The following STK40 variants were observed in gnomAD, a reference collection of about 807,000 sequenced individuals.
STK40 encodes the protein serine/threonine-protein kinase 40.
A neutral mutation model predicts 47.9 loss-of-function variants in STK40; 13 were observed. The observed-to-expected ratio is 0.27, with a 90% CI of 0.18 to 0.43. STK40 has a LOEUF of 0.43. Among genes scored for constraint, STK40 ranks in the 20% least tolerant of loss-of-function variants. The pLI is 1.00. For missense variants in STK40, 460 were observed against 595.1 expected, an observed-to-expected ratio of 0.77 and a Z score of 2.36; for synonymous variants, 225 against 243.2, an observed-to-expected ratio of 0.93 and a Z score of 0.69.
Position 36,348,817 on chromosome 1 carries a change from T to G in STK40, c.624-2A>C. 6.3e-7 allele frequency: 1 copy of G among 1,598,860 alleles called. No individual in the cohort carries two copies. The highest frequency in any genetic ancestry group is 8.5e-7 in the Non-Finnish European group (1 of 1,171,968). On this transcript the variant is annotated splice_acceptor_variant, in intron 6 of 10. Transcript: ENST00000373132. LOFTEE classifies it high-confidence loss of function. ...TTGGTGATGGTTATCCGATGTGTCC[T>G]AGGAGTGGGAGACAGAGTGAACAAA...
At chr1:36,344,323 C>T in intron 7 of STK40, 59 bp from the exon 8 acceptor site, 1 of 1,515,116 alleles carries the variant, frequency 6.6e-7, no homozygotes, top group Non-Finnish European at 8.8e-7. Flanking sequence ...GGCTCACCAG[C>T]CTGGAATCCC....
chr1:36,358,818 G>T lies in STK40; in HGVS notation c.117C>A (p.Pro39=). 1.2e-6 allele frequency: 2 copies of T among 1,614,098 alleles called. No homozygotes were observed. Among genetic ancestry groups the T allele is most frequent in the Non-Finnish European group, 1.7e-6 (2 of 1,180,010 alleles). The part of the protein sequence containing the change: ...AKRAGPFILG[P]RLGNSPVPSI... ...TTGGCACCGGTGAGTTGCCCAGACGGGGACCTACGGCACAGAGAGCTGCTG... is the reference window on the plus strand; with the variant it reads ...TTGGCACCGGTGAGTTGCCCAGACGTGGACCTACGGCACAGAGAGCTGCTG... The change falls in exon 3 of 11, where the codon CCC becomes CCA. Residue 39 remains proline (P), a synonymous_variant. Coordinates refer to ENST00000373132, the MANE Select transcript of STK40 (RefSeq NM_001282547.2).
At chr1:36,347,722 G>A (rs1484837962) in intron 7 of STK40, among the ~76,000 whole-genome samples, 1 of 150,302 alleles carries the variant, frequency 6.7e-6, no homozygotes, top group Admixed American at 6.7e-5. Flanking sequence ...GCACAATCTC[G>A]GCTCACTGCA....
chr1:36,350,690 T>C (rs1468645798), intron 6 of STK40, among the ~76,000 whole-genome samples: 2 of 152,160 alleles, frequency 1.3e-5, no homozygotes, highest in African/African-American at 2.4e-5. Context: ...GCACACCTGG[T>C]AGGAAAAGAC....
chr1:36,348,557 T>C, intron 7 of STK40, 143 bp downstream of exon 7: 2 of 667,442 alleles, frequency 3.0e-6, no homozygotes, highest in Non-Finnish European at 5.3e-6. Context: ...AAACATTTTG[T>C]ATGGGGAGGG....
chr1:36,384,703 T>C (rs988331085), intron 1 of STK40, among the ~76,000 whole-genome samples: 7 of 152,214 alleles, frequency 4.6e-5, no homozygotes, highest in African/African-American at 1.7e-4. Flanking sequence ...GAGAAATGAA[T>C]GAATGAATGA....
chr1:36,368,531 C>T (rs1001864005), intron 1 of STK40, among the ~76,000 whole-genome samples: 13 of 152,106 alleles, frequency 8.5e-5, no homozygotes. Context: ...GGATTACAGG[C>T]GTGAGCCACC....
At chr1:36,358,415 A>G (rs1471452285) in intron 3 of STK40, 33 bp from the exon 4 acceptor site, 2 of 1,575,732 alleles carry the variant, frequency 1.3e-6, no homozygotes, top group Non-Finnish European at 1.7e-6. Context: ...AACCAAAACC[A>G]GAACACCTCA....
At chr1:36,356,661 A>G (rs558741357) in intron 4 of STK40, among the ~76,000 whole-genome samples, 61 of 152,068 alleles carry the variant, frequency 4.0e-4, no homozygotes, top group East Asian at 1.9e-3. Flanking sequence ...TCCTGACCTC[A>G]TGATCCGCCC....
intron 1 of STK40, among the ~76,000 whole-genome samples, chr1:36,371,085 C>T (rs959541859): frequency 6.6e-6 from 1 of 151,750 alleles, no homozygotes; most frequent in African/African-American, 2.4e-5. Flanking sequence ...CCATATTGAC[C>T]AGGCTGTTCT....
intron 1 of STK40, among the ~76,000 whole-genome samples, chr1:36,381,015 C>A (rs1647035403): frequency 6.6e-6 from 1 of 152,174 alleles, no homozygotes; most frequent in Admixed American, 6.5e-5. Flanking sequence ...GGTTACCTGT[C>A]ACCATTCCTC....
At chr1:36,374,879 G>A (rs139584798) in intron 1 of STK40, among the ~76,000 whole-genome samples, 2 of 152,328 alleles carry the variant, frequency 1.3e-5, no homozygotes, top group African/African-American at 4.8e-5. Context: ...GCATGGGCAT[G>A]TGACTAAGAG....
intron 10 of STK40, 170 bp from the exon 11 acceptor site, chr1:36,342,143 C>T (rs1570430559): frequency 3.1e-6 from 2 of 647,422 alleles, no homozygotes; most frequent in South Asian, 1.9e-5. Flanking sequence ...GAGGGTGGGT[C>T]CCTGACCCCC....
chr1:36,358,791 G>A lies in STK40; in HGVS notation c.144C>T (p.Ser48=). 1.9e-6 allele frequency: 3 copies of A among 1,614,112 alleles called. No homozygotes were observed. Among genetic ancestry groups the A allele is most frequent in the Non-Finnish European group, 2.5e-6 (3 of 1,180,028 alleles). The change falls in exon 3 of 11, where the codon AGC becomes AGT. Residue 48 remains serine, a synonymous_variant. Transcript: ENST00000373132. The part of the protein sequence containing the change: ...GPRLGNSPVP[S]IVQCLARKDG... ...CTTTCCTCGCCAAACACTGCACTAT[G>A]CTTGGCACCGGTGAGTTGCCCAGAC...
chr1:36,377,732 G>A (rs1331972250), intron 1 of STK40, among the ~76,000 whole-genome samples: 2 of 152,124 alleles, frequency 1.3e-5, no homozygotes, highest in Non-Finnish European at 2.9e-5. Context: ...CAGCTCTCCA[G>A]ATAGGCTGCA....
chr1:36,361,121 GGCCACC>G, intron 2 of STK40, 94 bp downstream of exon 2: 1 of 1,404,114 alleles, frequency 7.1e-7, no homozygotes, highest in South Asian at 1.3e-5. Flanking sequence ...GCTGTGGGTG[GGCCACC>G]TCACTCTGAT....
chr1:36,348,875 G>A (rs1646727519), intron 6 of STK40, 60 bp from the exon 7 acceptor site: 5 of 1,415,416 alleles, frequency 3.5e-6, no homozygotes, highest in East Asian at 2.5e-5. Context: ...CACAAGACAC[G>A]CAGGCAGGAC....
At chr1:36,347,645 G>GT (rs562523525) in intron 7 of STK40, among the ~76,000 whole-genome samples, 78 of 146,882 alleles carry the variant, frequency 5.3e-4, no homozygotes, top group South Asian at 3.1e-3. Context: ...AACTTTATGA[G>GT]TTTTTTTTTT....
chr1:36,367,813 C>T, intron 1 of STK40: 1 of 985,944 alleles, frequency 1.0e-6, no homozygotes, highest in Non-Finnish European at 1.2e-6. Context: ...TCCCCACAGG[C>T]AGCCACATAG....
Sources: allele counts gnomAD v4.1 joint callset (sites outside exome capture counted in the v4.1 genomes callset), GRCh38; gene constraint gnomAD v4.1.1; transcripts MANE v1.5; gene names NCBI Gene and HGNC (gene_info 2026-07-23, HGNC 2026-07-21).